RIPOR3: variants seen among roughly 807,000 people sequenced by gnomAD.
RIPOR3 encodes the protein RIPOR family member 3.
RIPOR3 carries 95 observed loss-of-function variants against 114.3 expected under a neutral mutation model. The ratio of observed to expected loss-of-function variants is 0.83; its 90% CI spans 0.70 to 0.99. The LOEUF is 0.99. Ranked by LOEUF, RIPOR3 falls within the 50% of genes least tolerant of loss-of-function variation. RIPOR3 has a pLI of 0.00. For synonymous variants in RIPOR3, 575 were observed against 543.8 expected (o/e 1.06, Z -0.80); for missense variants, 1,252 against 1,266.9 (o/e 0.99, Z 0.18).
At chr20:50,594,080 C>T (rs985922954) in intron 17 of RIPOR3, among the ~76,000 whole-genome samples, 2 of 151,940 alleles carry the variant, frequency 1.3e-5, no homozygotes, top group African/African-American at 4.8e-5. Context: ...ACCAGCCTGG[C>T]CAATATGGCG....
Position 50,607,407 on chromosome 20 carries a change from T to TC in RIPOR3, c.956+981dup, listed in dbSNP as rs1347749012. 2.0e-5 allele frequency among the ~76,000 whole-genome samples: 3 copies of TC among 152,204 alleles called. No homozygotes were observed. The East Asian group carries it at 5.8e-4, about 29-fold the overall frequency. On this transcript the variant is annotated intron_variant, in intron 11 of 21. Transcript: ENST00000327979. ...CAGCCTTGCACTCGGAGTAGGTAGGTCCCCATAGATCCATTTGCCTCGAAG... is the reference window on the plus strand; with the variant it reads ...CAGCCTTGCACTCGGAGTAGGTAGGTCCCCCATAGATCCATTTGCCTCGAAG...
chr20:50,664,912 G>A (rs984517317), intron 1 of RIPOR3, among the ~76,000 whole-genome samples: 7 of 151,860 alleles, frequency 4.6e-5, no homozygotes, highest in African/African-American at 1.2e-4. Flanking sequence ...GACCAGCCTG[G>A]CCAACATGGC....
At chr20:50,688,136 T>C (rs571843827) in intron 1 of RIPOR3, among the ~76,000 whole-genome samples, 2 of 152,252 alleles carry the variant, frequency 1.3e-5, no homozygotes, top group South Asian at 4.1e-4. Flanking sequence ...CTAAAAAATT[T>C]CTAATTATTT....
At chr20:50,644,449 T>C (rs1169207898) in intron 1 of RIPOR3, among the ~76,000 whole-genome samples, 1 of 152,160 alleles carries the variant, frequency 6.6e-6, no homozygotes, top group Non-Finnish European at 1.5e-5. Context: ...AAACATGAAA[T>C]ACTTTTTATA....
At chr20:50,617,981 A>G (rs1427166082) in intron 3 of RIPOR3, among the ~76,000 whole-genome samples, 1 of 151,994 alleles carries the variant, frequency 6.6e-6, no homozygotes, top group Non-Finnish European at 1.5e-5. Context: ...TAAGAGATGT[A>G]GGGGCTGGGC....
chr20:50,625,072 T>TTTG (rs1555852538), intron 2 of RIPOR3, among the ~76,000 whole-genome samples: 1 of 149,524 alleles, frequency 6.7e-6, no homozygotes, highest in African/African-American at 2.4e-5. Context: ...GTGCTTTTGT[T>TTTG]TTTTTTTTTT....
At chr20:50,661,025 G>A (rs2085977835) in intron 1 of RIPOR3, among the ~76,000 whole-genome samples, 1 of 151,642 alleles carries the variant, frequency 6.6e-6, no homozygotes, top group Non-Finnish European at 1.5e-5. Context: ...ATCACCTGAG[G>A]TCAGGAGTAC....
intron 1 of RIPOR3, among the ~76,000 whole-genome samples, chr20:50,687,314 G>A (rs772092540): frequency 6.6e-6 from 1 of 152,218 alleles, no homozygotes; most frequent in South Asian, 2.1e-4. Flanking sequence ...CCAGTGCTTC[G>A]GGCAAGAGAG....
intron 1 of RIPOR3, among the ~76,000 whole-genome samples, chr20:50,681,155 G>A (rs972011070): frequency 1.3e-5 from 2 of 149,092 alleles, no homozygotes; most frequent in African/African-American, 5.0e-5. Context: ...AGCCCAGGAG[G>A]TGGAGGCTGC....
At chr20:50,622,675 C>T (rs6096033) in intron 2 of RIPOR3, among the ~76,000 whole-genome samples, 1 of 151,418 alleles carries the variant, frequency 6.6e-6, no homozygotes, top group Non-Finnish European at 1.5e-5. Context: ...CCTCATCCAC[C>T]CCTTGGCTCT....
intron 2 of RIPOR3, among the ~76,000 whole-genome samples, chr20:50,622,253 C>T (rs2084439711): frequency 6.6e-6 from 1 of 151,094 alleles, no homozygotes; most frequent in African/African-American, 2.4e-5. Context: ...GCAATCTCGG[C>T]TCACTGCAAC....
intron 1 of RIPOR3, among the ~76,000 whole-genome samples, chr20:50,681,095 A>G (rs2123605476): frequency 6.6e-6 from 1 of 151,952 alleles, no homozygotes; most frequent in East Asian, 1.9e-4. Flanking sequence ...GTGGTGGTGC[A>G]TGCCTGTAGT....
chr20:50,600,154 T>C (rs967023619), intron 13 of RIPOR3, among the ~76,000 whole-genome samples: 24 of 152,130 alleles, frequency 1.6e-4, no homozygotes, highest in African/African-American at 5.8e-4. Flanking sequence ...CCACCTGCCT[T>C]GGCCTCCCAA....
chr20:50,690,200 G>C (rs1329055800), intron 1 of RIPOR3, among the ~76,000 whole-genome samples: 1 of 152,254 alleles, frequency 6.6e-6, no homozygotes, highest in Non-Finnish European at 1.5e-5. Context: ...CACGGGCCCA[G>C]AGTGATTCGA....
At chr20:50,628,875 T>C (rs1294217403) in intron 2 of RIPOR3, among the ~76,000 whole-genome samples, 1 of 152,110 alleles carries the variant, frequency 6.6e-6, no homozygotes, top group East Asian at 1.9e-4. Context: ...AGGGAAAGGT[T>C]AGTGAGCTGG....
intron 1 of RIPOR3, among the ~76,000 whole-genome samples, chr20:50,685,819 C>CAAAAAA (rs541595639): frequency 8.8e-6 from 1 of 113,028 alleles, no homozygotes; most frequent in Non-Finnish European, 1.7e-5. Context: ...GACTCTGTCT[C>CAAAAAA]AAAAAAAAAA....
At chr20:50,623,967 G>A (rs530393631) in intron 2 of RIPOR3, among the ~76,000 whole-genome samples, 1 of 151,520 alleles carries the variant, frequency 6.6e-6, no homozygotes, top group East Asian at 1.9e-4. Context: ...CTACCCAGTA[G>A]CTGGGATTAC....
chr20:50,636,437 A>T (rs2084989183), intron 1 of RIPOR3: 26 of 466,246 alleles, frequency 5.6e-5, no homozygotes, highest in Non-Finnish European at 7.3e-5. Context: ...GTCCCTGGGG[A>T]GGCATCAGGA....
At chr20:50,684,586 C>A (rs2086955603) in intron 1 of RIPOR3, among the ~76,000 whole-genome samples, 1 of 152,048 alleles carries the variant, frequency 6.6e-6, no homozygotes, top group African/African-American at 2.4e-5. Flanking sequence ...TTAACAGGAC[C>A]CTGCTGGCTG....
Sources: allele counts gnomAD v4.1 joint callset (sites outside exome capture counted in the v4.1 genomes callset), GRCh38; gene constraint gnomAD v4.1.1; transcripts MANE v1.5; gene names NCBI Gene and HGNC (gene_info 2026-07-23, HGNC 2026-07-21).